Variants in PINX1 observed in about 807,000 individuals in gnomAD.
PINX1 encodes the protein PIN2 (TERF1) interacting telomerase inhibitor 1.
A neutral mutation model predicts 25.4 loss-of-function variants in PINX1; 34 were observed. The observed-to-expected ratio is 1.34, with a 90% confidence interval of 1.02 to 1.78. The LOEUF (loss-of-function observed/expected upper bound fraction) is 1.78. Among genes scored for constraint, PINX1 ranks in the 40% most tolerant of loss-of-function variants. The probability of loss-of-function intolerance (pLI) is 0.00; values close to 1 mark genes in which losing one functional copy is unlikely to be tolerated. For synonymous variants in PINX1, 197 were observed against 147.7 expected (o/e 1.33, Z -2.42); for missense variants, 592 against 404.9 (o/e 1.46, Z -3.97).
chr8:10,820,152 A>G (rs1293223971), intron 6 of PINX1, 41 bp downstream of exon 6: 1 of 1,227,466 alleles, frequency 8.1e-7, no homozygotes, highest in African/African-American at 1.5e-5. Context: ...AAAATCAGAC[A>G]GTATTAAAGC....
chr8:10,809,832 G>T (rs991967566), intron 6 of PINX1, among the ~76,000 whole-genome samples: 2 of 152,224 alleles, frequency 1.3e-5, no homozygotes, highest in African/African-American at 4.8e-5. Flanking sequence ...CTTCGAAGTT[G>T]TGTTAGTCTG....
At chr8:10,801,833 T>C (rs1013728569) in intron 6 of PINX1, among the ~76,000 whole-genome samples, 4 of 152,070 alleles carry the variant, frequency 2.6e-5, no homozygotes, top group African/African-American at 9.7e-5. Context: ...GAGAACAGAT[T>C]TGCCTAAAAG....
chr8:10,806,160 G>A (rs928857421), intron 6 of PINX1, among the ~76,000 whole-genome samples: 36 of 148,570 alleles, frequency 2.4e-4, no homozygotes, highest in Admixed American at 4.0e-4. Context: ...ACAGGAAGGG[G>A]CCACACTAGT....
At chr8:10,788,351 C>G (rs1801818442) in intron 6 of PINX1, among the ~76,000 whole-genome samples, 1 of 152,100 alleles carries the variant, frequency 6.6e-6, no homozygotes, top group Non-Finnish European at 1.5e-5. Flanking sequence ...CACATGAGGC[C>G]AGGAGTTGGA....
At chr8:10,821,579 A>G (rs1202597574) in intron 5 of PINX1, among the ~76,000 whole-genome samples, 1 of 152,234 alleles carries the variant, frequency 6.6e-6, no homozygotes, top group Non-Finnish European at 1.5e-5. Context: ...GATGCACACC[A>G]CAGATACGGC....
At chr8:10,775,086 G>A (rs1801346158) in intron 6 of PINX1, among the ~76,000 whole-genome samples, 1 of 152,110 alleles carries the variant, frequency 6.6e-6, no homozygotes. Flanking sequence ...CACTGAGACT[G>A]TAATTCCAAG....
At chr8:10,827,615 G>GA (rs35706998) in intron 4 of PINX1, among the ~76,000 whole-genome samples, 249 of 151,724 alleles carry the variant, frequency 1.6e-3, no homozygotes, top group Middle Eastern at 3.4e-3. Context: ...AGAGAAACTG[G>GA]AAAAAAAGCA....
At chr8:10,794,210 C>T (rs1012545039) in intron 6 of PINX1, among the ~76,000 whole-genome samples, 3 of 152,052 alleles carry the variant, frequency 2.0e-5, no homozygotes, top group African/African-American at 4.8e-5. Context: ...TATTAATGCT[C>T]AATCACTGGT....
In PINX1 at chr8:10,765,663, C is replaced by G; in HGVS notation, c.725G>C (p.Arg242Thr). Residue 242 changes from arginine (R) to threonine (T), a missense_variant, in exon 7 of 7, where the codon AGG becomes ACG. Transcript: ENST00000314787. ...GGCCACTCGCTCCTGGGCCTCGGCCCTCTCGGGCTTTCCCTCCGTGTGCCT... is the reference window on the plus strand; with the variant it reads ...GGCCACTCGCTCCTGGGCCTCGGCCGTCTCGGGCTTTCCCTCCGTGTGCCT... The part of the protein sequence containing the change: ...AKRHTEGKPE[R>T]AEAQERVAKK... 1 of 1,614,010 alleles carries G rather than the reference C, an allele frequency of 6.2e-7. No individual in the cohort carries two copies. The highest frequency in any genetic ancestry group is 1.1e-5 in the South Asian group (1 of 91,086).
At chr8:10,798,805 G>A (rs1380926024) in intron 6 of PINX1, among the ~76,000 whole-genome samples, 1 of 152,228 alleles carries the variant, frequency 6.6e-6, no homozygotes, top group African/African-American at 2.4e-5. Context: ...TAAGAATGCT[G>A]ATTTCTAGTG....
intron 1 of PINX1, among the ~76,000 whole-genome samples, chr8:10,837,814 C>G (rs1798448736): frequency 1.3e-5 from 2 of 152,198 alleles, no homozygotes; most frequent in Non-Finnish European, 2.9e-5. Flanking sequence ...AACAATCTCT[C>G]AAAATTCAGA....
intron 6 of PINX1, among the ~76,000 whole-genome samples, chr8:10,789,976 A>T (rs762338513): frequency 6.6e-6 from 1 of 152,250 alleles, no homozygotes; most frequent in African/African-American, 2.4e-5. Flanking sequence ...CTACAAGCCT[A>T]GGGCAGAGTG....
At chr8:10,834,195 G>C (rs891792782) in intron 2 of PINX1, among the ~76,000 whole-genome samples, 1 of 152,212 alleles carries the variant, frequency 6.6e-6, no homozygotes, top group Non-Finnish European at 1.5e-5. Context: ...GAGGTGAAAA[G>C]AAGAGCAGAA....
At chr8:10,774,588 G>A (rs1412071095) in intron 6 of PINX1, among the ~76,000 whole-genome samples, 1 of 152,140 alleles carries the variant, frequency 6.6e-6, no homozygotes, top group Non-Finnish European at 1.5e-5. Context: ...GCCGAATAAG[G>A]TCTTTTTAGA....
chr8:10,829,691 T>G (rs1178222577), intron 4 of PINX1, among the ~76,000 whole-genome samples: 1 of 53,074 alleles, frequency 1.9e-5, no homozygotes. Flanking sequence ...TCTTACATTC[T>G]TTTTTTTTTT....
chr8:10,782,535 A>C (rs1554485933), intron 6 of PINX1, among the ~76,000 whole-genome samples: 1 of 152,152 alleles, frequency 6.6e-6, no homozygotes, highest in Non-Finnish European at 1.5e-5. Flanking sequence ...CGGGAGTTCA[A>C]GACCAACGTG....
intron 6 of PINX1, among the ~76,000 whole-genome samples, chr8:10,802,368 CCCA>C (rs1802293178): frequency 6.6e-6 from 1 of 152,140 alleles, no homozygotes; most frequent in South Asian, 2.1e-4. Context: ...AGCACTTCAC[CCCA>C]CAGACAAGAA....
chr8:10,773,827 G>A (rs910156707), intron 6 of PINX1, among the ~76,000 whole-genome samples: 3 of 152,200 alleles, frequency 2.0e-5, no homozygotes, highest in African/African-American at 7.2e-5. Flanking sequence ...AGAGGAAAGA[G>A]AAAGAGGAGC....
chr8:10,801,865 A>C (rs1802273702), intron 6 of PINX1, among the ~76,000 whole-genome samples: 1 of 152,212 alleles, frequency 6.6e-6, no homozygotes, highest in Non-Finnish European at 1.5e-5. Flanking sequence ...TCCATCGCTG[A>C]CCACGGGTAT....
Sources: allele counts gnomAD v4.1 joint callset (sites outside exome capture counted in the v4.1 genomes callset), GRCh38; gene constraint gnomAD v4.1.1; transcripts MANE v1.5; gene names NCBI Gene and HGNC (gene_info 2026-07-23, HGNC 2026-07-21).